The following RGS3 variants were observed in gnomAD, a reference collection of about 807,000 sequenced individuals.
RGS3 encodes the protein regulator of G-protein signalling 3.
In RGS3, 80 loss-of-function variants were observed where a neutral mutation model predicts 132.6. That is an observed-to-expected ratio of 0.60 (90% CI 0.50 to 0.73). The LOEUF is 0.73. Among genes scored for constraint, RGS3 ranks in the 30% least tolerant of loss-of-function variants. The pLI is 0.00. For synonymous variants in RGS3, 598 were observed against 620.6 expected (o/e 0.96, Z 0.54); for missense variants, 1,382 against 1,530.8 (o/e 0.90, Z 1.62).
chr9:113,552,510 G>A lies in RGS3; in HGVS notation c.2037+15592G>A, dbSNP rs531206904. On this transcript the variant is annotated intron_variant, in intron 19 of 24. Coordinates refer to ENST00000350696, the Ensembl canonical transcript of RGS3. ...TTTTTGTATTTTTTTAGTAGAGACG[G>A]GGTTTCAATGTGTTAGCCAGGATGG... 6.5e-4 allele frequency among the ~76,000 whole-genome samples: 99 copies of A among 152,188 alleles called. 1 individual carries two copies. Among genetic ancestry groups the A allele is most frequent in the Middle Eastern group, 3.4e-3 (1 of 294 alleles).
chr9:113,583,706 C>T (rs746071315), exon 20 of RGS3: 1 of 1,614,056 alleles, frequency 6.2e-7, no homozygotes, highest in Non-Finnish European at 8.5e-7. Context: ...AAGGATGTGC[C>T]ACCATGCCAG....
chr9:113,461,866 T>C (rs777289547), intron 2 of RGS3: 1 of 1,612,300 alleles, frequency 6.2e-7, no homozygotes, highest in Non-Finnish European at 8.5e-7. Context: ...AAGAGGTGAC[T>C]ATCATCTCAG....
intron 4 of RGS3, among the ~76,000 whole-genome samples, chr9:113,482,065 A>G (rs963456148): frequency 2.0e-5 from 3 of 151,788 alleles, no homozygotes; most frequent in Non-Finnish European, 4.4e-5. Context: ...AAAAAACAAA[A>G]AAAACAAGAA....
chr9:113,482,974 G>A (rs1019424209), intron 4 of RGS3, 85 bp from the exon 3 acceptor site: 2 of 1,607,208 alleles, frequency 1.2e-6, no homozygotes, highest in Non-Finnish European at 1.7e-6. Context: ...CGTGTGGATG[G>A]ATATGTCTAT....
intron 19 of RGS3, chr9:113,580,764 G>A (rs12339493): frequency 0.098 from 96,464 of 981,102 alleles, 5,222 homozygotes; most frequent in African/African-American, 0.19. Flanking sequence ...TTTAGAACAG[G>A]GTTGGCAGAG....
chr9:113,516,735 C>T (rs762881263), intron 15 of RGS3, among the ~76,000 whole-genome samples: 1 of 151,922 alleles, frequency 6.6e-6, no homozygotes, highest in Non-Finnish European at 1.5e-5. Context: ...CTCGCTGTGT[C>T]CCCCAGGCTG....
At chr9:113,487,173 G>A (rs1056063857) in intron 7 of RGS3, among the ~76,000 whole-genome samples, 3 of 147,860 alleles carry the variant, frequency 2.0e-5, no homozygotes, top group African/African-American at 5.0e-5. Flanking sequence ...CTGCAGTGGC[G>A]CAATCTCGGC....
chr9:113,476,272 G>GT lies in RGS3; in HGVS notation c.416-3218dup, dbSNP rs1324112666. Among the ~76,000 whole-genome samples the GT allele has an allele frequency of 2.6e-5, 4 of 152,104 alleles. No homozygotes were observed. In the East Asian group the frequency reaches 5.8e-4, roughly 22 times the overall value. ...ACTGTGCACAGGAAAGAGTGCTGGA[G>GT]TGGGGGTAGAGTTCTAATCTCCAGC... On this transcript the variant is annotated intron_variant, in intron 3 of 24. Transcript: ENST00000350696.
chr9:113,484,327 CAA>C lies in RGS3; in HGVS notation c.620+116_620+117del, dbSNP rs775299940. 65 of 85,212 alleles carry C rather than the reference CAA, an allele frequency of 7.6e-4. No individual in the cohort carries two copies. The South Asian group carries it at 0.01, about 13-fold the overall frequency. 5.3% of individuals were successfully genotyped at this position (85,212 alleles called of 1,614,324 possible). A position where few individuals can be genotyped will look rare whatever the true frequency, so the allele number is the denominator to read the frequency against. On this transcript the variant is annotated intron_variant, in intron 6 of 24. Transcript: ENST00000350696. ...TGCCAAATCTAGAACTAGATCTATG[CAA>C]AAAAAAAAAAAAAAAAAAAACCAAA...
At chr9:113,476,610 A>G (rs1240750410) in intron 3 of RGS3, among the ~76,000 whole-genome samples, 1 of 152,156 alleles carries the variant, frequency 6.6e-6, no homozygotes, top group South Asian at 2.1e-4. Context: ...GGAGCAGTGC[A>G]GTGTGGTGCA....
At chr9:113,497,977 A>G (rs1256318487) in intron 9 of RGS3, 48 bp from the exon 8 acceptor site, 6 of 1,600,200 alleles carry the variant, frequency 3.7e-6, no homozygotes, top group Non-Finnish European at 5.1e-6. Flanking sequence ...AGGAGGGGAG[A>G]CTTCTCTGCC....
chr9:113,506,556 G>A lies in RGS3; in HGVS notation c.1085+63G>A, dbSNP rs1831142354. 1.8e-6 allele frequency: 2 copies of A among 1,117,250 alleles called. No individual in the cohort carries two copies. The highest frequency in any genetic ancestry group is 1.3e-6 in the Non-Finnish European group (1 of 753,062). 69.2% of individuals were successfully genotyped at this position (1,117,250 alleles called of 1,614,324 possible). On this transcript the variant is annotated intron_variant, in intron 12 of 24. Transcript: ENST00000350696. This position sits in a 1 kb window ranked among gnomAD's most constrained non-coding sequence, Gnocchi z 4.7. ...GATGGCACACCCTCCCCACCCCTGG[G>A]CACACTGCCTTGCCTGGCCCAGCTC...
intron 13 of RGS3, among the ~76,000 whole-genome samples, chr9:113,508,300 G>C (rs1831234037): frequency 6.6e-6 from 1 of 152,208 alleles, no homozygotes; most frequent in African/African-American, 2.4e-5. Context: ...TGTAAAGGAA[G>C]TTGGGGACTT....
intron 19 of RGS3, among the ~76,000 whole-genome samples, chr9:113,564,152 G>A (rs1833899213): frequency 6.6e-6 from 1 of 152,240 alleles, no homozygotes; most frequent in African/African-American, 2.4e-5. Flanking sequence ...TTGTCTGGCT[G>A]TATGGTGGTT....
intron 19 of RGS3, chr9:113,541,529 C>T: frequency 6.5e-7 from 1 of 1,540,030 alleles, no homozygotes; most frequent in Non-Finnish European, 8.8e-7. Context: ...AACAGAGGAC[C>T]AAGATGGTGG....
Position 113,594,981 on chromosome 9 carries a change from G to A in RGS3, c.3244+1G>A, listed in dbSNP as rs766566440. ...TTGGAGAAGCTGCTGGTTCACAAAT[G>A]TAAGTTGGGCCTGCCTGCCCACTCC... On this transcript the variant is annotated splice_donor_variant, in intron 23 of 24. Transcript: ENST00000350696. LOFTEE classifies it high-confidence loss of function. 4.3e-6 allele frequency: 7 copies of A among 1,614,046 alleles called. No homozygotes were observed. Among genetic ancestry groups the A allele is most frequent in the Non-Finnish European group, 5.9e-6 (7 of 1,179,936 alleles).
intron 7 of RGS3, among the ~76,000 whole-genome samples, chr9:113,490,364 A>G (rs142826178): frequency 5.3e-5 from 8 of 152,234 alleles, no homozygotes; most frequent in African/African-American, 1.2e-4. Flanking sequence ...CAAATCCCAG[A>G]CATCTCATCT....
At chr9:113,580,874 C>A in intron 19 of RGS3, 1 of 985,642 alleles carries the variant, frequency 1.0e-6, no homozygotes, top group South Asian at 4.7e-5. Context: ...AGGCCTGGGC[C>A]CCACCCTCAC....
Position 113,561,586 on chromosome 9 carries a change from A to ATTTTTT in RGS3, c.2038-21853_2038-21848dup, listed in dbSNP as rs1181886025. Among the ~76,000 whole-genome samples, 157 of 133,286 alleles carry ATTTTTT rather than the reference A, an allele frequency of 1.2e-3. 3 individuals carry two copies. The highest frequency in any genetic ancestry group is 3.9e-3 in the African/African-American group (140 of 35,622). The allele number at this position is 133,286 out of a possible 152,430, so 87.4% of individuals were successfully genotyped here. A position where few individuals can be genotyped will look rare whatever the true frequency, so the allele number is the denominator to read the frequency against. On this transcript the variant is annotated intron_variant, in intron 19 of 24. Transcript: ENST00000350696. The stretch of plus-strand genomic sequence containing the variant: ...CAGCACCATGCCCAGCTAATTTTTA[A>ATTTTTT]TTTTTTTTTTTTTTTTGTAGAGATG...
Sources: gnomAD v4.1 joint callset for allele counts (sites outside exome capture counted in the v4.1 genomes callset) on GRCh38, gnomAD v4.1.1 for gene constraint, Gnocchi (gnomAD v3.1) non-coding constraint, MANE v1.5 for transcripts, NCBI Gene and HGNC (gene_info 2026-07-23, HGNC 2026-07-21) for gene names.